The following PLEKHG1 variants were observed in gnomAD, a reference collection of about 807,000 sequenced individuals.
PLEKHG1 encodes pleckstrin homology and RhoGEF domain containing G1, also known as pleckstrin homology domain-containing family G member 1.
PLEKHG1 carries 44 observed loss-of-function variants against 100.8 expected under a neutral mutation model. That is an observed-to-expected ratio of 0.44 (90% CI 0.34 to 0.56). The LOEUF (loss-of-function observed/expected upper bound fraction) is 0.56, where lower values mean the gene tolerates loss of function less well. Among genes scored for constraint, PLEKHG1 ranks in the 20% least tolerant of loss-of-function variants. The probability of loss-of-function intolerance (pLI) is 0.01; values close to 1 mark genes in which losing one functional copy is unlikely to be tolerated. For missense variants in PLEKHG1, 1,545 were observed against 1,720.9 expected, an observed-to-expected ratio of 0.90 and a Z score of 1.81; for synonymous variants, 640 against 662.5, an observed-to-expected ratio of 0.97 and a Z score of 0.52.
chr6:150,719,142 A>T (rs1156526887), upstream of PLEKHG1, among the ~76,000 whole-genome samples: 1 of 152,198 alleles, frequency 6.6e-6, no homozygotes, highest in African/African-American at 2.4e-5. Flanking sequence ...GTCACTTCAA[A>T]GCTGTCCTTC....
At chr6:150,664,851 G>A (rs946001905) in intron 3 of PLEKHG1, among the ~76,000 whole-genome samples, 3 of 152,170 alleles carry the variant, frequency 2.0e-5, no homozygotes, top group African/African-American at 7.2e-5. Context: ...CTTCTATCTC[G>A]GGGAGTTTTA....
chr6:150,644,939 A>G (rs9480507), intron 2 of PLEKHG1, among the ~76,000 whole-genome samples: 1,662 of 152,310 alleles, frequency 0.011, 37 homozygotes, highest in African/African-American at 0.037. Flanking sequence ...TCATATGTAG[A>G]TCTAGTGTAA....
At chr6:150,814,710 T>G (rs967906512) in intron 10 of PLEKHG1, among the ~76,000 whole-genome samples, 2 of 152,178 alleles carry the variant, frequency 1.3e-5, no homozygotes, top group Non-Finnish European at 2.9e-5. Context: ...ACACCTTTTT[T>G]TGTTTTGTTT....
intron 1 of PLEKHG1, among the ~76,000 whole-genome samples, chr6:150,722,835 A>G (rs1018297223): frequency 3.2e-4 from 48 of 152,124 alleles, no homozygotes; most frequent in African/African-American, 1.1e-3. Flanking sequence ...TGCGTTCCAT[A>G]CAGATGGAGC....
At position 150,821,055 on chromosome 6, in the gene PLEKHG1, A is replaced by C. The variant is rs369345908; in HGVS notation, c.1409-140A>C. ...GTCTTGCTCCTGTGTATCTCTGAGC[A>C]ATGGGGATTTTGTTAAATTTGATAC... On this transcript the variant is annotated intron_variant, in intron 12 of 15. Coordinates refer to ENST00000358517, the Ensembl canonical transcript of PLEKHG1. The C allele has an allele frequency of 1.0e-3, 663 of 654,858 alleles. 14 individuals carry two copies. The South Asian group carries it at 0.012, about 11-fold the overall frequency. 40.6% of individuals were successfully genotyped at this position (654,858 alleles called of 1,614,324 possible).
intron 14 of PLEKHG1, among the ~76,000 whole-genome samples, chr6:150,826,919 G>A (rs550012486): frequency 1.3e-5 from 2 of 150,962 alleles, no homozygotes; most frequent in South Asian, 2.1e-4. Flanking sequence ...GATTACAGGT[G>A]TGTATCACCG....
At chr6:150,785,696 A>T (rs1785584010) in intron 3 of PLEKHG1, among the ~76,000 whole-genome samples, 2 of 152,002 alleles carry the variant, frequency 1.3e-5, no homozygotes, top group Admixed American at 1.3e-4. Context: ...ATAAGACCAG[A>T]GCCATGGAGT....
chr6:150,787,983 A>T (rs1191926486), intron 4 of PLEKHG1, among the ~76,000 whole-genome samples: 1 of 152,228 alleles, frequency 6.6e-6, no homozygotes, highest in East Asian at 1.9e-4. Context: ...ATATCAAAGG[A>T]GATATGTTAG....
At chr6:150,629,529 C>T (rs901683442) in intron 1 of PLEKHG1, among the ~76,000 whole-genome samples, 8 of 151,972 alleles carry the variant, frequency 5.3e-5, no homozygotes, top group African/African-American at 1.5e-4. Context: ...GGCGCAATCT[C>T]GGCTTACTGC....
At chr6:150,674,019 C>G (rs777909383) in intron 3 of PLEKHG1, among the ~76,000 whole-genome samples, 6 of 152,110 alleles carry the variant, frequency 3.9e-5, no homozygotes, top group Non-Finnish European at 7.3e-5. Context: ...ACCTCCCTCT[C>G]CACCACACAC....
At chr6:150,839,760 ATTCTC>A (rs1188418870) in intron 15 of PLEKHG1, 68 bp from the exon 17 acceptor site, 9 of 949,652 alleles carry the variant, frequency 9.5e-6, no homozygotes, top group Non-Finnish European at 1.5e-5. Context: ...TTAGAATGTT[ATTCTC>A]TTATTTTTAA....
intron 3 of PLEKHG1, among the ~76,000 whole-genome samples, chr6:150,779,158 A>C (rs748355647): frequency 1.3e-5 from 2 of 152,014 alleles, no homozygotes; most frequent in Non-Finnish European, 2.9e-5. Context: ...AAGGTATCTG[A>C]GTGCCCTCCC....
chr6:150,724,703 G>A (rs1239237499), intron 1 of PLEKHG1, among the ~76,000 whole-genome samples: 1 of 151,492 alleles, frequency 6.6e-6, no homozygotes, highest in South Asian at 2.1e-4. Context: ...GGGATTACAT[G>A]CACCTGCCAC....
chr6:150,824,167 A>G (rs944282896), intron 14 of PLEKHG1, among the ~76,000 whole-genome samples: 3 of 152,254 alleles, frequency 2.0e-5, no homozygotes, highest in Non-Finnish European at 4.4e-5. Flanking sequence ...AGACTTTGTC[A>G]TATCAAGTTT....
At chr6:150,779,344 G>GTTTGTTGTTTTTT (rs1257363893) in intron 3 of PLEKHG1, among the ~76,000 whole-genome samples, 3 of 104,536 alleles carry the variant, frequency 2.9e-5, no homozygotes, top group East Asian at 3.5e-4. Flanking sequence ...TTGTCAAGAA[G>GTTTGTTGTTTTTT]TTTTTTTTTT....
chr6:150,658,200 G>T (rs756921904), intron 3 of PLEKHG1, among the ~76,000 whole-genome samples: 3 of 152,062 alleles, frequency 2.0e-5, no homozygotes, highest in Non-Finnish European at 2.9e-5. Flanking sequence ...GCATTATACC[G>T]TCATGCCTTT....
chr6:150,762,783 T>C (rs1338470229), intron 2 of PLEKHG1, among the ~76,000 whole-genome samples: 1 of 152,196 alleles, frequency 6.6e-6, no homozygotes, highest in Non-Finnish European at 1.5e-5. Flanking sequence ...GAAAAGAGAT[T>C]CACTTAAGAT....
intron 3 of PLEKHG1, among the ~76,000 whole-genome samples, chr6:150,678,167 C>G (rs1779826273): frequency 6.9e-6 from 1 of 144,094 alleles, no homozygotes; most frequent in South Asian, 2.2e-4. Context: ...ATTCTTTTAG[C>G]TCTTTTGAGG....
intron 2 of PLEKHG1, among the ~76,000 whole-genome samples, chr6:150,641,719 C>T (rs142278651): frequency 1.3e-5 from 2 of 151,974 alleles, no homozygotes; most frequent in South Asian, 2.1e-4. Flanking sequence ...GCCAGCCCTT[C>T]GTATCCATGT....
Sources: gnomAD v4.1 joint callset for allele counts (sites outside exome capture counted in the v4.1 genomes callset) on GRCh38, gnomAD v4.1.1 for gene constraint, MANE v1.5 for transcripts, NCBI Gene and HGNC (gene_info 2026-07-23, HGNC 2026-07-21) for gene names.